Variants in SLC26A9 observed in about 807,000 individuals in gnomAD.
The protein encoded by SLC26A9 is anion transporter/exchanger protein 9.
A neutral mutation model predicts 87.1 loss-of-function variants in SLC26A9; 46 were observed. The observed-to-expected ratio is 0.53, with a 90% CI of 0.42 to 0.67. The LOEUF is 0.67. Ranked by LOEUF, SLC26A9 falls within the 30% of genes least tolerant of loss-of-function variation. SLC26A9 has a pLI of 0.00. For synonymous variants in SLC26A9, 437 were observed against 409.1 expected, an observed-to-expected ratio of 1.07 and a Z score of -0.82; for missense variants, 927 against 1,018.3, an observed-to-expected ratio of 0.91 and a Z score of 1.22.
intron 19 of SLC26A9, among the ~76,000 whole-genome samples, chr1:205,917,871 A>G (rs1658661320): frequency 6.6e-6 from 1 of 152,182 alleles, no homozygotes; most frequent in Non-Finnish European, 1.5e-5. Context: ...GTAGCTGAAC[A>G]TGATTAGGGC....
At chr1:205,917,685 C>A (rs6421774) in intron 19 of SLC26A9, among the ~76,000 whole-genome samples, 117,673 of 152,098 alleles carry the variant, frequency 0.77, 45,795 homozygotes, top group East Asian at 0.9. Context: ...CTAATCTGTT[C>A]AAGTCTGATA....
rs1360080754 is a variant in SLC26A9, at chr1:205,924,412, G to A, written c.1467C>T (p.Ser489=). ...GAGTCTGGAAGACCACGACCAGGAC[G>A]GAGAAGGCGACACCCACTGCCACAC... ...PYGVAVGVAF[S]VLVVVFQTQF... is the part of the protein sequence containing the mutation. Residue 489 remains serine (S), a synonymous_variant, in exon 13 of 21, where the codon TCC becomes TCT. Coordinates refer to ENST00000367135, the MANE Select transcript of SLC26A9 (RefSeq NM_052934.4). The A allele has an allele frequency of 4.3e-6, 7 of 1,614,080 alleles. No homozygotes were observed. Among genetic ancestry groups the A allele is most frequent in the Middle Eastern group, 1.6e-4 (1 of 6,084 alleles).
chr1:205,922,732 A>G (rs1426921699), intron 16 of SLC26A9, among the ~76,000 whole-genome samples: 3 of 152,138 alleles, frequency 2.0e-5, no homozygotes, highest in Admixed American at 6.5e-5. Context: ...GTGAAACCCA[A>G]TATCTACTAA....
intron 20 of SLC26A9, 105 bp from the exon 21 acceptor site, chr1:205,915,509 A>C: frequency 8.5e-6 from 12 of 1,410,202 alleles, no homozygotes; most frequent in Non-Finnish European, 1.1e-5. Flanking sequence ...CCTGGCCAGA[A>C]CAAAGCACCT....
Position 205,927,490 on chromosome 1 carries a change from A to T in SLC26A9, c.1215+2T>A. ...CCCCAACTCCCCTAGAACAAGGCTC[A>T]CCTGGGATTTTCCTCCAGCTCCATC... On this transcript the variant is annotated splice_donor_variant, in intron 10 of 20. Coordinates refer to ENST00000367135, the MANE Select transcript of SLC26A9 (RefSeq NM_052934.4). LOFTEE classifies it high-confidence loss of function. 6.2e-7 allele frequency: 1 copy of T among 1,613,672 alleles called. No individual in the cohort carries two copies. Among genetic ancestry groups the T allele is most frequent in the Non-Finnish European group, 8.5e-7 (1 of 1,179,720 alleles).
rs61198391 is a variant in SLC26A9 at position 205,929,124 on chromosome 1, G to A, written c.870+80C>T. ...CTGTCCCACTGGCTGCCAGTTGAGG[G>A]GATGGGGTGAGGAAAGGTAGGGGCT... is the stretch of plus-strand genomic sequence containing the variant. On this transcript the variant is annotated intron_variant, in intron 7 of 20. Coordinates refer to ENST00000367135, the MANE Select transcript of SLC26A9 (RefSeq NM_052934.4). 2,538 of 1,560,888 alleles carry A rather than the reference G, an allele frequency of 1.6e-3. 13 individuals carry two copies. The highest frequency in any genetic ancestry group is 0.014 in the Middle Eastern group (73 of 5,144).
chr1:205,933,005 C>G lies in SLC26A9; in HGVS notation c.205G>C (p.Asp69His), dbSNP rs1173257928. Residue 69 changes from aspartate (D) to histidine (H), a missense_variant, in exon 3 of 21, where the codon GAC (aspartate) becomes CAC (histidine). By Grantham distance (81) the Asp-to-His change is moderately conservative. Coordinates refer to ENST00000367135, the MANE Select transcript of SLC26A9 (RefSeq NM_052934.4). ...CCGAGCAGGTCAGGAATGATGTAGTCTTTAATCTTGTACTTGGGGAGCCAG... is the reference window on the plus strand; with the variant it reads ...CCGAGCAGGTCAGGAATGATGTAGTGTTTAATCTTGTACTTGGGGAGCCAG... The part of the protein sequence containing the change: ...LSWLPKYKIK[D>H]YIIPDLLGGL... 1 of 1,614,006 alleles carries G rather than the reference C, an allele frequency of 6.2e-7. No individual in the cohort carries two copies. Among genetic ancestry groups the G allele is most frequent in the Non-Finnish European group, 8.5e-7 (1 of 1,180,032 alleles).
chr1:205,915,517 C>CGTGTGTGT lies in SLC26A9; in HGVS notation c.2329-114_2329-113insACACACAC, dbSNP rs1558117070. The CGTGTGTGT allele has an allele frequency of 7.9e-5, 91 of 1,159,168 alleles. No homozygotes were observed. In the African/African-American group the frequency reaches 1.8e-3, roughly 23 times the overall value. 71.8% of individuals were successfully genotyped at this position (1,159,168 alleles called of 1,614,324 possible). Reference sequence around the variant, plus strand: ...AGGAACCCCTGGCCAGAACAAAGCACCTGTGTGTGTGTGTGTGTGTGTGTG... The same window carrying CGTGTGTGT: ...AGGAACCCCTGGCCAGAACAAAGCACGTGTGTGTCTGTGTGTGTGTGTGTGTGTGTGTG... On this transcript the variant is annotated intron_variant, in intron 20 of 20. Transcript: ENST00000367135.
chr1:205,936,178 G>C (rs558411485), intron 1 of SLC26A9, among the ~76,000 whole-genome samples: 1 of 152,268 alleles, frequency 6.6e-6, no homozygotes, highest in South Asian at 2.1e-4. Context: ...TGATTCAGCA[G>C]GTGGACCCTC....
chr1:205,940,880 A>G (rs1427411876), intron 1 of SLC26A9, among the ~76,000 whole-genome samples: 1 of 152,192 alleles, frequency 6.6e-6, no homozygotes, highest in Non-Finnish European at 1.5e-5. Flanking sequence ...GGCTGGGCCA[A>G]CCCACCCTGG....
In SLC26A9 at chr1:205,932,729, G is replaced by A. The variant is rs752247139; in HGVS notation, c.349C>T (p.Leu117=). 6 of 1,588,750 alleles carry A rather than the reference G, an allele frequency of 3.8e-6. No homozygotes were observed. In the South Asian group the frequency reaches 5.9e-5, roughly 16 times the overall value. ...GGCACCATCTGGTGAACACCCCCCA[G>A]GAAGAAGTAGGTCAGGAGGGGGAAG... The part of the protein sequence containing the change: ...SFFPLLTYFF[L]GGVHQMVPGT... The change falls in exon 4 of 21, where the codon CTG becomes TTG. Residue 117 remains leucine (L), a synonymous_variant. Coordinates refer to ENST00000367135, the MANE Select transcript of SLC26A9 (RefSeq NM_052934.4).
chr1:205,932,573 C>CATT, intron 4 of SLC26A9, 129 bp downstream of exon 4: 1 of 696,270 alleles, frequency 1.4e-6, no homozygotes, highest in African/African-American at 1.8e-5. Flanking sequence ...TCACAGTGAC[C>CATT]ATTCCCCTAG....
chr1:205,922,775 T>G (rs35360452), intron 16 of SLC26A9, among the ~76,000 whole-genome samples: 15,054 of 152,218 alleles, frequency 0.099, 930 homozygotes, highest in African/African-American at 0.17. Flanking sequence ...TGGTGGCACC[T>G]GTAATCTCAG....
At chr1:205,929,000 T>G (rs1659195721) in intron 7 of SLC26A9, 91 bp from the exon 8 acceptor site, 1 of 1,519,416 alleles carries the variant, frequency 6.6e-7, no homozygotes, top group Non-Finnish European at 9.1e-7. Flanking sequence ...CTGGGGACCC[T>G]GAATCCCACT....
chr1:205,923,391 A>G lies in SLC26A9; in HGVS notation c.1603T>C (p.Cys535Arg), dbSNP rs1384115382. Residue 535 changes from cysteine (C) to arginine (R), a missense_variant, in exon 15 of 21, where the codon TGC becomes CGC. By Grantham distance (180) the Cys-to-Arg change is radical (BLOSUM62 -3). Transcript: ENST00000367135. ...DIQGIKIITYCSPLYFANSEI... is the reference protein window; with the variant it reads ...DIQGIKIITYRSPLYFANSEI... ...GAGTTGGCAAAGTAGAGAGGGGAGC[A>G]GTACGTGATGATTTTAATCCCCTGG... 6.2e-7 allele frequency: 1 copy of G among 1,614,118 alleles called. No individual in the cohort carries two copies. The highest frequency in any genetic ancestry group is 8.5e-7 in the Non-Finnish European group (1 of 1,180,042).
rs1458504664 is a variant in SLC26A9 at position 205,932,971 on chromosome 1, C to T, written c.239G>A (p.Ser80Asn). 2.5e-6 allele frequency: 4 copies of T among 1,613,994 alleles called. No homozygotes were observed. Among genetic ancestry groups the T allele is most frequent in the Non-Finnish European group, 3.4e-6 (4 of 1,180,018 alleles). Residue 80 changes from serine to asparagine, a missense_variant, in exon 3 of 21, where the codon AGC becomes AAC. Coordinates refer to ENST00000367135, the MANE Select transcript of SLC26A9 (RefSeq NM_052934.4). The stretch of plus-strand genomic sequence containing the variant: ...TTGTGGGACCTGGATGGATCCCCCG[C>T]TGAGTCCACCGAGCAGGTCAGGAAT... ...YIIPDLLGGL[S>N]GGSIQVPQGM...
At chr1:205,919,234 G>GTGGTGAT (rs1558119112) in intron 18 of SLC26A9, among the ~76,000 whole-genome samples, 1 of 152,212 alleles carries the variant, frequency 6.6e-6, no homozygotes, top group Non-Finnish European at 1.5e-5. Context: ...TCAGTACTTT[G>GTGGTGAT]TGGTGATTCG....
At chr1:205,925,848 C>G (rs1042023277) in intron 12 of SLC26A9, among the ~76,000 whole-genome samples, 12 of 152,318 alleles carry the variant, frequency 7.9e-5, no homozygotes, top group African/African-American at 2.9e-4. Flanking sequence ...AAGGCAGTGT[C>G]GTCAAAACAC....
intron 1 of SLC26A9, among the ~76,000 whole-genome samples, chr1:205,941,617 C>G (rs1054368059): frequency 2.0e-5 from 3 of 152,094 alleles, no homozygotes; most frequent in African/African-American, 4.8e-5. Flanking sequence ...GACTGCATCC[C>G]GTGTAGGAGA....
Sources: gnomAD v4.1 joint callset for allele counts (sites outside exome capture counted in the v4.1 genomes callset) on GRCh38, gnomAD v4.1.1 for gene constraint, MANE v1.5 for transcripts, NCBI Gene and HGNC (gene_info 2026-07-23, HGNC 2026-07-21) for gene names.